HERC1: variants seen among roughly 807,000 people sequenced by gnomAD.
HERC1 encodes HECT and RLD domain containing E3 ubiquitin protein ligase family member 1.
HERC1 carries 160 observed loss-of-function variants against 554.3 expected under a neutral mutation model. The observed-to-expected ratio is 0.29, with a 90% CI of 0.25 to 0.33. The LOEUF is 0.33. HERC1 is among the 10% of genes least tolerant of loss of function. HERC1 has a pLI of 1.00. For missense variants in HERC1, 4,919 were observed against 5,918.5 expected (o/e 0.83, Z 5.54); for synonymous variants, 2,175 against 2,131.7 (o/e 1.02, Z -0.56).
At chr15:63,679,504 G>A (rs933688893) in intron 36 of HERC1, among the ~76,000 whole-genome samples, 4 of 152,032 alleles carry the variant, frequency 2.6e-5, no homozygotes, top group African/African-American at 4.8e-5. Context: ...CTATGCATCC[G>A]CAAGTGAAAG....
In HERC1 at chr15:63,641,650, G is replaced by A; in HGVS notation, c.11434-7C>T. 1 of 1,515,518 alleles carries A rather than the reference G, an allele frequency of 6.6e-7. No homozygotes were observed. The highest frequency in any genetic ancestry group is 8.9e-7 in the Non-Finnish European group (1 of 1,122,762). 93.9% of individuals were successfully genotyped at this position (1,515,518 alleles called of 1,614,324 possible). ...AATTCACGACCAAAACATCCTGGTT[G>A]AAAATAAATCATGCCACATAATAAA... On this transcript the variant is annotated splice_region_variant and splice_polypyrimidine_tract_variant and intron_variant, in intron 59 of 77. Transcript: ENST00000443617.
intron 43 of HERC1, 125 bp downstream of exon 43, chr15:63,664,345 C>G: frequency 1.4e-6 from 1 of 731,162 alleles, no homozygotes; most frequent in Non-Finnish European, 2.2e-6. Context: ...ATCCAAATAG[C>G]TGTTCTGTTA....
At position 63,680,046 on chromosome 15, in the gene HERC1, A is replaced by G; in HGVS notation, c.6549+31T>C. 7.1e-7 allele frequency: 1 copy of G among 1,406,426 alleles called. No homozygotes were observed. Among genetic ancestry groups the G allele is most frequent in the Non-Finnish European group, 1.0e-6 (1 of 1,001,256 alleles). The allele number at this position is 1,406,426 out of a possible 1,614,324, so 87.1% of individuals were successfully genotyped here. A position where few individuals can be genotyped will look rare whatever the true frequency, so the allele number is the denominator to read the frequency against. The stretch of plus-strand genomic sequence containing the variant: ...GATGCTAAACAATAAAATAACAAAT[A>G]TTCTTAAATAAAGGTTTGAGACTTC... On this transcript the variant is annotated intron_variant, in intron 36 of 77. Coordinates refer to ENST00000443617, the MANE Select transcript of HERC1 (RefSeq NM_003922.4). The surrounding 1 kb of genome is among the most constrained non-coding windows in gnomAD (Gnocchi z 5.8).
In HERC1 at chr15:63,649,801, TC is replaced by T; in HGVS notation, c.10670del (p.Gly3557AspfsTer5). ...PELLLVGRMDGSLGLIEVVDV... is the reference protein window; with the variant it reads ...PELLLVGRMDXSLGLIEVVDV... ...CAACAACTTCAATCAGTCCCAGAGATCCATCCATCCGTCCCACCAACAACAA... is the reference window on the plus strand; with the variant it reads ...CAACAACTTCAATCAGTCCCAGAGATCATCCATCCGTCCCACCAACAACAA... On this transcript the variant is annotated frameshift_variant, in exon 54 of 78. Coordinates refer to ENST00000443617, the MANE Select transcript of HERC1 (RefSeq NM_003922.4). LOFTEE classifies it high-confidence loss of function. 1 of 1,613,654 alleles carries T rather than the reference TC, an allele frequency of 6.2e-7. No individual in the cohort carries two copies. The highest frequency in any genetic ancestry group is 8.5e-7 in the Non-Finnish European group (1 of 1,179,780).
At chr15:63,614,804 A>G (rs2067745018) in intron 76 of HERC1, among the ~76,000 whole-genome samples, 1 of 152,252 alleles carries the variant, frequency 6.6e-6, no homozygotes, top group South Asian at 2.1e-4. Flanking sequence ...GTCAGCACAG[A>G]ACAAGGATAA....
chr15:63,729,156 G>T, intron 16 of HERC1, 80 bp downstream of exon 16: 1 of 1,259,288 alleles, frequency 7.9e-7, no homozygotes, highest in Non-Finnish European at 1.1e-6. Context: ...AGAGGCTTCT[G>T]GCTCTCTTAA....
intron 39 of HERC1, among the ~76,000 whole-genome samples, chr15:63,672,217 TATC>T (rs1307146014): frequency 6.6e-6 from 1 of 152,140 alleles, no homozygotes; most frequent in African/African-American, 2.4e-5. Context: ...GGGAAAAAAT[TATC>T]ATCATAAGAG....
chr15:63,612,418 G>A lies in HERC1; in HGVS notation c.14233C>T (p.Arg4745Cys). ...AGCTGATGCTGCTCATCCACCTCAC[G>A]GTACCGCACCACTTTCTTCAAGACT... Reference protein sequence around the residue: ...VEVLKKVVRYREVDEQHQLVQ... With the variant: ...VEVLKKVVRYCEVDEQHQLVQ... The change falls in exon 77 of 78, where the codon CGT (arginine) becomes TGT (cysteine). Residue 4745 changes from arginine (R) to cysteine (C), a missense_variant. Arg to Cys is a radical substitution (Grantham distance 180). Transcript: ENST00000443617. The surrounding 1 kb of genome is among the most constrained non-coding windows in gnomAD (Gnocchi z 5.0). 1.9e-6 allele frequency: 3 copies of A among 1,613,930 alleles called. No homozygotes were observed. Among genetic ancestry groups the A allele is most frequent in the East Asian group, 2.2e-5 (1 of 44,872 alleles).
intron 26 of HERC1, among the ~76,000 whole-genome samples, chr15:63,698,214 G>A (rs541100649): frequency 6.6e-6 from 1 of 152,028 alleles, no homozygotes; most frequent in Non-Finnish European, 1.5e-5. Flanking sequence ...TCAGAAGCTC[G>A]AGACCAGCCT....
intron 53 of HERC1, among the ~76,000 whole-genome samples, chr15:63,650,729 C>CCTT (rs1305122028): frequency 6.6e-6 from 1 of 152,182 alleles, no homozygotes; most frequent in East Asian, 1.9e-4. Flanking sequence ...AACTTACTTG[C>CCTT]AGTTAAGGCT....
At chr15:63,821,595 G>C (rs1462083288) in intron 1 of HERC1, among the ~76,000 whole-genome samples, 1 of 148,266 alleles carries the variant, frequency 6.7e-6, no homozygotes, top group Non-Finnish European at 1.5e-5. Context: ...GTGTGGTTGT[G>C]CACGCCTGCA....
rs765266483 is a variant in HERC1, at chr15:63,692,569, A to G, written c.5675-3T>C. The G allele has an allele frequency of 1.9e-6, 3 of 1,600,440 alleles. No individual in the cohort carries two copies. The highest frequency in any genetic ancestry group is 2.6e-6 in the Non-Finnish European group (3 of 1,175,610). On this transcript the variant is annotated splice_polypyrimidine_tract_variant and splice_region_variant and intron_variant, in intron 30 of 77. Transcript: ENST00000443617. This position sits in a 1 kb window ranked among gnomAD's most constrained non-coding sequence, Gnocchi z 4.7. ...TGCATGTTGTTTCCTAAGAGCAGCT[A>G]CAGTGAAGAGACAAGTTTACGTTAC... is the stretch of plus-strand genomic sequence containing the variant.
chr15:63,732,692 T>C (rs779675968), intron 14 of HERC1, among the ~76,000 whole-genome samples: 2 of 152,238 alleles, frequency 1.3e-5, no homozygotes, highest in Non-Finnish European at 2.9e-5. Flanking sequence ...CTGTTTATTA[T>C]TCTACAATAT....
chr15:63,690,427 T>C (rs2153038135), intron 32 of HERC1, 114 bp downstream of exon 32: 1 of 659,244 alleles, frequency 1.5e-6, no homozygotes, highest in Non-Finnish European at 2.6e-6. Flanking sequence ...AAAGTAAACG[T>C]TATGCTATTG....
chr15:63,715,603 C>G (rs976348764), intron 22 of HERC1, among the ~76,000 whole-genome samples: 11 of 152,176 alleles, frequency 7.2e-5, no homozygotes, highest in African/African-American at 2.4e-4. Flanking sequence ...TTGACAGATA[C>G]AGACAATCTC....
intron 63 of HERC1, 84 bp from the exon 64 acceptor site, chr15:63,637,727 C>T (rs2068845133): frequency 3.6e-6 from 4 of 1,113,004 alleles, no homozygotes; most frequent in African/African-American, 3.2e-5. Flanking sequence ...TCCACGTATA[C>T]ATAGAATGCT....
intron 7 of HERC1, 40 bp downstream of exon 7, chr15:63,754,465 G>A: frequency 6.6e-7 from 1 of 1,516,276 alleles, no homozygotes; most frequent in Admixed American, 2.2e-5. Context: ...AAAAACTCAA[G>A]AAAAAAGCCA....
Position 63,769,567 on chromosome 15 carries a change from T to G in HERC1, c.930+5127A>C, listed in dbSNP as rs538066339. Reference sequence around the variant, plus strand: ...AAATAAAGTCGAAATTAAAATAAATTTTGGGGCCCGGTGTGGTGGCTCACG... The same window carrying G: ...AAATAAAGTCGAAATTAAAATAAATGTTGGGGCCCGGTGTGGTGGCTCACG... On this transcript the variant is annotated intron_variant, in intron 2 of 77. Transcript: ENST00000443617. Among the ~76,000 whole-genome samples, 7 of 151,562 alleles carry G rather than the reference T, an allele frequency of 4.6e-5. No individual in the cohort carries two copies. The South Asian group carries it at 6.3e-4, about 14-fold the overall frequency.
intron 1 of HERC1, among the ~76,000 whole-genome samples, chr15:63,824,391 G>A (rs547411683): frequency 1.6e-4 from 25 of 151,932 alleles, no homozygotes; most frequent in Middle Eastern, 3.4e-3. Flanking sequence ...AAAATTAGCC[G>A]GGTGTGGTGG....
Sources: gnomAD v4.1 joint callset for allele counts (sites outside exome capture counted in the v4.1 genomes callset) on GRCh38, gnomAD v4.1.1 for gene constraint, Gnocchi (gnomAD v3.1) non-coding constraint, MANE v1.5 for transcripts, NCBI Gene and HGNC (gene_info 2026-07-23, HGNC 2026-07-21) for gene names.